RAI1: variants seen among roughly 807,000 people sequenced by gnomAD.
The protein encoded by RAI1 is retinoic acid induced 1.
In RAI1, 9 loss-of-function variants were observed where a neutral mutation model predicts 123.8. The ratio of observed to expected loss-of-function variants is 0.07; its 90% CI spans 0.04 to 0.13. The LOEUF (loss-of-function observed/expected upper bound fraction) is 0.13. Ranked by LOEUF, RAI1 falls within the 10% of genes least tolerant of loss-of-function variation. The pLI is 1.00. For missense variants in RAI1, 2,256 were observed against 2,545.8 expected, an observed-to-expected ratio of 0.89 and a Z score of 2.45; for synonymous variants, 1,231 against 1,127.3, an observed-to-expected ratio of 1.09 and a Z score of -1.84.
intron 1 of RAI1, among the ~76,000 whole-genome samples, chr17:17,718,860 T>C (rs1915793032): frequency 1.3e-5 from 2 of 152,094 alleles, no homozygotes; most frequent in African/African-American, 4.8e-5. Context: ...ATGAAGGGCA[T>C]TAATGTGTTG....
chr17:17,698,767 C>T (rs761347018), intron 1 of RAI1, among the ~76,000 whole-genome samples: 1 of 152,132 alleles, frequency 6.6e-6, no homozygotes, highest in African/African-American at 2.4e-5. Flanking sequence ...TTCTTTGGCG[C>T]TGTGACTCTG....
intron 1 of RAI1, among the ~76,000 whole-genome samples, chr17:17,700,670 GCGAGGCCGGGCCTCGTCCGC>G (rs1915190943): frequency 6.6e-6 from 1 of 152,072 alleles, no homozygotes; most frequent in East Asian, 1.9e-4. Context: ...CGGGGCCTCC[GCGAGGCCGGGCCTCGTCCGC>G]CGAGGCCGCA....
At position 17,795,455 on chromosome 17, in the gene RAI1, G is replaced by A. The variant is rs569207424; in HGVS notation, c.2507G>A (p.Arg836Gln). The part of the protein sequence containing the change: ...LQCPEVAKAD[R>Q]WLEDSRHCCS... ...TGCCCCGAGGTGGCCAAGGCTGACCGGTGGCTGGAGGACAGCCGGCACTGC... is the reference window on the plus strand; with the variant it reads ...TGCCCCGAGGTGGCCAAGGCTGACCAGTGGCTGGAGGACAGCCGGCACTGC... The change falls in exon 3 of 6, where the codon CGG (arginine) becomes CAG (glutamine). Residue 836 changes from arginine to glutamine, a missense_variant. Physicochemically the swap from Arg to Gln is conservative, Grantham distance 43. Around this residue, in one of 7 missense-constraint regions of RAI1, gnomAD observed 566 missense variants for 616.0 expected, o/e 0.92. Coordinates refer to ENST00000353383, the MANE Select transcript of RAI1 (RefSeq NM_030665.4). The surrounding 1 kb of genome is among the most constrained non-coding windows in gnomAD (Gnocchi z 5.9). 70 of 1,586,296 alleles carry A rather than the reference G, an allele frequency of 4.4e-5. 1 individual carries two copies. The East Asian group carries it at 5.3e-4, about 12-fold the overall frequency.
At chr17:17,732,931 G>A (rs1017224867) in intron 2 of RAI1, among the ~76,000 whole-genome samples, 10 of 152,184 alleles carry the variant, frequency 6.6e-5, no homozygotes, top group African/African-American at 2.2e-4. Context: ...CCAGGTGGGC[G>A]CTGTTTGGCC....
At chr17:17,741,333 A>G (rs1023038284) in intron 2 of RAI1, among the ~76,000 whole-genome samples, 1 of 152,152 alleles carries the variant, frequency 6.6e-6, no homozygotes, top group Admixed American at 6.5e-5. Flanking sequence ...CCAGCTCCTA[A>G]TGACTCGCAG....
At chr17:17,767,691 G>A (rs186455989) in intron 2 of RAI1, among the ~76,000 whole-genome samples, 433 of 152,304 alleles carry the variant, frequency 2.8e-3, no homozygotes, top group Non-Finnish European at 4.7e-3. Flanking sequence ...AGGGGTCATC[G>A]CCCTCCCTAA....
chr17:17,714,133 C>T lies in RAI1; in HGVS notation c.-148-9895C>T, dbSNP rs1170126026. On this transcript the variant is annotated intron_variant, in intron 1 of 5. Transcript: ENST00000353383. This position sits in a 1 kb window ranked among gnomAD's most constrained non-coding sequence, Gnocchi z 4.9. ...TCCCTCCTTCCATTTCTGGGCAGCC[C>T]TGCCTGCTAGCAAGCTCTTCCTTAT... Among the ~76,000 whole-genome samples the T allele has an allele frequency of 1.3e-5, 2 of 152,142 alleles. No individual in the cohort carries two copies. Among genetic ancestry groups the T allele is most frequent in the African/African-American group, 4.8e-5 (2 of 41,424 alleles).
Position 17,796,824 on chromosome 17 carries a change from C to T in RAI1, c.3876C>T (p.Leu1292=), listed in dbSNP as rs755108104. 28 of 1,610,692 alleles carry T rather than the reference C, an allele frequency of 1.7e-5. No individual in the cohort carries two copies. The highest frequency in any genetic ancestry group is 5.5e-5 in the South Asian group (5 of 91,012). ...TKGNGEPATK[L]PPPETPDACL... is the part of the protein sequence containing the mutation. ...GCAATGGCGAGCCTGCCACAAAGCT[C>T]CCACCCCCGGAGACCCCCGATGCCT... The change falls in exon 3 of 6, where the codon CTC becomes CTT. Residue 1292 remains leucine, a synonymous_variant. Transcript: ENST00000353383. This position sits in a 1 kb window ranked among gnomAD's most constrained non-coding sequence, Gnocchi z 5.8.
chr17:17,694,172 T>C (rs907825498), intron 1 of RAI1, among the ~76,000 whole-genome samples: 2 of 152,182 alleles, frequency 1.3e-5, no homozygotes, highest in Non-Finnish European at 2.9e-5. Flanking sequence ...TGCTTAGATC[T>C]GTGGGCACTT....
chr17:17,794,598 C>T lies in RAI1; in HGVS notation c.1650C>T (p.Pro550=), dbSNP rs143287802. The T allele has an allele frequency of 9.1e-5, 146 of 1,613,106 alleles. No homozygotes were observed. The highest frequency in any genetic ancestry group is 1.2e-4 in the Non-Finnish European group (143 of 1,180,050). The change falls in exon 3 of 6, where the codon CCC becomes CCT. Residue 550 remains proline (P), a synonymous_variant. Coordinates refer to ENST00000353383, the MANE Select transcript of RAI1 (RefSeq NM_030665.4). ...ARVNSNSKAK[P]ESVSTCSVTS... ...TCAACAGCAACTCGAAGGCCAAGCCCGAGTCCGTGTCCACCTGTTCTGTGA... is the reference window on the plus strand; with the variant it reads ...TCAACAGCAACTCGAAGGCCAAGCCTGAGTCCGTGTCCACCTGTTCTGTGA...
At chr17:17,782,015 G>C (rs1373844729) in intron 2 of RAI1, 3 of 152,218 alleles carry the variant, frequency 2.0e-5, no homozygotes, top group Non-Finnish European at 4.4e-5. Flanking sequence ...CTCTGCGCGC[G>C]GGGTGGGAGG....
chr17:17,773,861 T>C (rs1261976298), intron 2 of RAI1, among the ~76,000 whole-genome samples: 6 of 152,188 alleles, frequency 3.9e-5, no homozygotes, highest in Non-Finnish European at 4.4e-5. Flanking sequence ...CCAGACCCCA[T>C]AGCCATGAGT....
chr17:17,808,404 ATTTTATTTTATTATT>A (rs1180992200), intron 4 of RAI1, among the ~76,000 whole-genome samples: 27 of 103,138 alleles, frequency 2.6e-4, no homozygotes, highest in South Asian at 1.0e-3. Flanking sequence ...ATTTTATTTT[ATTTTATTTTATTATT>A]TTATTTTATT....
At chr17:17,718,271 G>C (rs1227449010) in intron 1 of RAI1, among the ~76,000 whole-genome samples, 2 of 152,156 alleles carry the variant, frequency 1.3e-5, no homozygotes, top group Non-Finnish European at 2.9e-5. Flanking sequence ...ACACTGAGGG[G>C]ACATTCAAAT....
At chr17:17,785,982 TTAAA>T (rs1161524342) in intron 2 of RAI1, among the ~76,000 whole-genome samples, 1 of 152,246 alleles carries the variant, frequency 6.6e-6, no homozygotes, top group Non-Finnish European at 1.5e-5. Context: ...TAATATTTTC[TTAAA>T]TGAGAGCTGT....
Position 17,794,427 on chromosome 17 carries a change from A to C in RAI1, c.1479A>C (p.Ala493=). Residue 493 remains alanine (A), a synonymous_variant, in exon 3 of 6, where the codon GCA becomes GCC. Coordinates refer to ENST00000353383, the MANE Select transcript of RAI1 (RefSeq NM_030665.4). The stretch of plus-strand genomic sequence containing the variant: ...GGAGCGGCTACTCAGCCGAGCCCGC[A>C]GGCACACCGCTGTCAGAGCCGCCGA... ...PEGSGYSAEP[A]GTPLSEPPSS... 1.9e-6 allele frequency: 3 copies of C among 1,612,910 alleles called. No individual in the cohort carries two copies. The highest frequency in any genetic ancestry group is 2.5e-6 in the Non-Finnish European group (3 of 1,179,998).
In RAI1 at chr17:17,731,481, T is replaced by C. The variant is rs138229516; in HGVS notation, c.-17+7322T>C. 3.3e-3 allele frequency among the ~76,000 whole-genome samples: 499 copies of C among 151,224 alleles called. 7 individuals carry two copies. The highest frequency in any genetic ancestry group is 0.03 in the East Asian group (154 of 5,100). ...GGCAGGGACTGAGGCCAAAAAGGAG[T>C]CTGGGCCTTGACTGCTTGAAGGGTT... On this transcript the variant is annotated intron_variant, in intron 2 of 5. Coordinates refer to ENST00000353383, the MANE Select transcript of RAI1 (RefSeq NM_030665.4).
chr17:17,803,775 A>C lies in RAI1; in HGVS notation c.5585A>C (p.Glu1862Ala), dbSNP rs1468283859. ...CATCAGATGTGTTCCAGCTGCCAAG[A>C]AGCCGGGGCCACCATTGGGTGCTGC... Reference protein sequence around the residue: ...AVDMMCSSCQEAGATIGCCHK... With the variant: ...AVDMMCSSCQAAGATIGCCHK... Residue 1862 changes from glutamate to alanine, a missense_variant, in exon 4 of 6, where the codon GAA becomes GCA. Around this residue, in one of 7 missense-constraint regions of RAI1, gnomAD observed 243 missense variants for 316.6 expected, o/e 0.77. Transcript: ENST00000353383. 6.2e-7 allele frequency: 1 copy of C among 1,613,466 alleles called. No individual in the cohort carries two copies. Among genetic ancestry groups the C allele is most frequent in the Middle Eastern group, 1.6e-4 (1 of 6,062 alleles).
At chr17:17,752,279 A>G (rs527791381) in intron 2 of RAI1, among the ~76,000 whole-genome samples, 13 of 152,200 alleles carry the variant, frequency 8.5e-5, no homozygotes, top group Admixed American at 2.0e-4. Context: ...GTGTTCGCAC[A>G]TGCCCCAGCC....
Sources: gnomAD v4.1 joint callset for allele counts (sites outside exome capture counted in the v4.1 genomes callset) on GRCh38, gnomAD v4.1.1 for gene constraint, gnomAD v4.1.1 regional missense constraint, Gnocchi (gnomAD v3.1) non-coding constraint, MANE v1.5 for transcripts, NCBI Gene and HGNC (gene_info 2026-07-23, HGNC 2026-07-21) for gene names.